ANKIB1: variants seen among roughly 807,000 people sequenced by gnomAD.
ANKIB1 encodes ankyrin repeat and IBR domain-containing protein 1.
Under a neutral mutation model 122.1 loss-of-function variants are expected in ANKIB1, and 43 were observed. The observed-to-expected ratio is 0.35, with a 90% CI of 0.28 to 0.45. The LOEUF is 0.45. Ranked by LOEUF, ANKIB1 falls within the 20% of genes least tolerant of loss-of-function variation. The pLI is 1.00. For synonymous variants in ANKIB1, 390 were observed against 442.0 expected (o/e 0.88, Z 1.48); for missense variants, 992 against 1,329.5 (o/e 0.75, Z 3.95).
intron 1 of ANKIB1, among the ~76,000 whole-genome samples, chr7:92,261,390 G>GT (rs1554333651): frequency 6.9e-6 from 1 of 145,006 alleles, no homozygotes; most frequent in Non-Finnish European, 1.5e-5. Context: ...TATGTTTTTT[G>GT]TTTGTTTTGT....
chr7:92,251,777 C>T (rs1423077447), intron 1 of ANKIB1, among the ~76,000 whole-genome samples: 3 of 152,196 alleles, frequency 2.0e-5, no homozygotes, highest in Non-Finnish European at 2.9e-5. Context: ...CAACATACTA[C>T]TGTCCAAAGA....
chr7:92,323,096 T>C (rs1468408251), intron 4 of ANKIB1, among the ~76,000 whole-genome samples: 2 of 152,206 alleles, frequency 1.3e-5, no homozygotes, highest in Non-Finnish European at 2.9e-5. Context: ...TAGTCGTCAT[T>C]ATTGCATTGT....
intron 8 of ANKIB1, 37 bp downstream of exon 8, chr7:92,351,131 A>G: frequency 7.1e-7 from 1 of 1,415,150 alleles, no homozygotes; most frequent in Non-Finnish European, 9.3e-7. Flanking sequence ...CAATTTCCAT[A>G]ATTTTGATTT....
rs536706873 is a variant in ANKIB1, at chr7:92,361,616, G to A, written c.1398-569G>A. On this transcript the variant is annotated intron_variant, in intron 9 of 19. Transcript: ENST00000265742. ...AAGCTCTGAAGGCTTGCAAATCTAA[G>A]TTATAAATATTAATCTATTTAGAAC... Among the ~76,000 whole-genome samples, 397 of 151,892 alleles carry A rather than the reference G, an allele frequency of 2.6e-3. 2 individuals are homozygous for A. Among genetic ancestry groups the A allele is most frequent in the African/African-American group, 9.0e-3 (375 of 41,444 alleles).
chr7:92,380,905 CTT>C (rs1276236533), intron 11 of ANKIB1, among the ~76,000 whole-genome samples: 10 of 152,304 alleles, frequency 6.6e-5, no homozygotes, highest in Admixed American at 4.6e-4. Flanking sequence ...TGGAGAATGA[CTT>C]TGACAGTTGA....
intron 3 of ANKIB1, among the ~76,000 whole-genome samples, chr7:92,308,172 C>T (rs1425135492): frequency 2.0e-5 from 3 of 151,948 alleles, no homozygotes; most frequent in Non-Finnish European, 4.4e-5. Context: ...GCCCAACCAA[C>T]GGCCTCTTTT....
chr7:92,372,002 TGTGTG>T (rs1369284910), intron 11 of ANKIB1, among the ~76,000 whole-genome samples: 1 of 140,954 alleles, frequency 7.1e-6, no homozygotes, highest in Non-Finnish European at 1.6e-5. Flanking sequence ...TGTGTGTGTG[TGTGTG>T]TGTGTATCAA....
chr7:92,295,505 G>C (rs537257150), intron 2 of ANKIB1, among the ~76,000 whole-genome samples: 2 of 152,060 alleles, frequency 1.3e-5, no homozygotes, highest in Non-Finnish European at 2.9e-5. Flanking sequence ...ATGAATTCTT[G>C]ATAATAATGT....
chr7:92,258,089 A>C (rs973969554), intron 1 of ANKIB1, among the ~76,000 whole-genome samples: 7 of 152,320 alleles, frequency 4.6e-5, no homozygotes, highest in Non-Finnish European at 8.8e-5. Context: ...GAAAAACATT[A>C]CTTTTCTTAT....
Position 92,400,173 on chromosome 7 carries a change from A to G in ANKIB1, c.*1224A>G, listed in dbSNP as rs1341859516. The G allele has an allele frequency of 6.6e-6, 1 of 152,224 alleles. No homozygotes were observed. The highest frequency in any genetic ancestry group is 1.5e-5 in the Non-Finnish European group (1 of 68,036). The allele number at this position is 152,224 out of a possible 1,614,324, so 9.4% of individuals were successfully genotyped here. The stretch of plus-strand genomic sequence containing the variant: ...ACTAACTATAACAACTAAATGTTCA[A>G]TCAGTTTGTTTGCCTAACTAGCAAA... On this transcript the variant is annotated 3_prime_UTR_variant, in exon 20 of 20. Coordinates refer to ENST00000265742, the MANE Select transcript of ANKIB1 (RefSeq NM_019004.2).
chr7:92,374,024 A>G (rs1205837458), intron 11 of ANKIB1, among the ~76,000 whole-genome samples: 1 of 152,204 alleles, frequency 6.6e-6, no homozygotes, highest in African/African-American at 2.4e-5. Context: ...TTCATTATAT[A>G]TTCAAACTGC....
intron 5 of ANKIB1, among the ~76,000 whole-genome samples, chr7:92,335,720 T>A (rs1408481416): frequency 6.6e-6 from 1 of 152,024 alleles, no homozygotes; most frequent in Non-Finnish European, 1.5e-5. Flanking sequence ...TTGGTTCAGT[T>A]CTTTATCCAT....
intron 17 of ANKIB1, among the ~76,000 whole-genome samples, chr7:92,395,397 A>C (rs1804864630): frequency 6.6e-6 from 1 of 152,194 alleles, no homozygotes; most frequent in Non-Finnish European, 1.5e-5. Context: ...TTGTCTTTTA[A>C]TCTAGTCATT....
intron 9 of ANKIB1, among the ~76,000 whole-genome samples, chr7:92,358,461 T>G (rs1424281793): frequency 6.6e-6 from 1 of 152,102 alleles, no homozygotes; most frequent in Non-Finnish European, 1.5e-5. Flanking sequence ...AAAGAAAACC[T>G]TCTTTTGCTA....
chr7:92,304,351 A>G (rs1366225329), intron 2 of ANKIB1, among the ~76,000 whole-genome samples: 1 of 152,200 alleles, frequency 6.6e-6, no homozygotes, highest in Non-Finnish European at 1.5e-5. Context: ...TCAGAATAAT[A>G]CACTCTCTGT....
At chr7:92,362,577 G>A (rs188722122) in intron 10 of ANKIB1, among the ~76,000 whole-genome samples, 4 of 152,226 alleles carry the variant, frequency 2.6e-5, no homozygotes, top group Admixed American at 2.6e-4. Flanking sequence ...CCTAGGGTGA[G>A]CCAACCAATT....
At chr7:92,328,782 C>A (rs1803086803) in intron 5 of ANKIB1, among the ~76,000 whole-genome samples, 1 of 151,634 alleles carries the variant, frequency 6.6e-6, no homozygotes, top group African/African-American at 2.4e-5. Context: ...AGAATGCCAT[C>A]TTCCAAAATT....
chr7:92,390,942 CT>C (rs950621676), intron 15 of ANKIB1, among the ~76,000 whole-genome samples: 3 of 152,078 alleles, frequency 2.0e-5, no homozygotes, highest in African/African-American at 7.2e-5. Context: ...CAAATGAGCG[CT>C]TTTTTAAAAA....
intron 1 of ANKIB1, among the ~76,000 whole-genome samples, chr7:92,276,113 C>T (rs1300512437): frequency 1.3e-5 from 2 of 152,090 alleles, no homozygotes; most frequent in Admixed American, 1.3e-4. Context: ...CTCATTACGT[C>T]TCATTTAGAT....
Sources: allele counts gnomAD v4.1 joint callset (sites outside exome capture counted in the v4.1 genomes callset), GRCh38; gene constraint gnomAD v4.1.1; transcripts MANE v1.5; gene names NCBI Gene and HGNC (gene_info 2026-07-23, HGNC 2026-07-21).